The following MAST4 variants were observed in gnomAD, a reference collection of about 807,000 sequenced individuals.
MAST4 encodes microtubule associated serine/threonine kinase family member 4.
A neutral mutation model predicts 162.7 loss-of-function variants in MAST4; 89 were observed. The ratio of observed to expected loss-of-function variants is 0.55; its 90% CI spans 0.46 to 0.65. The LOEUF is 0.65. MAST4 is among the 30% of genes least tolerant of loss of function. The pLI, the probability that MAST4 is intolerant of heterozygous loss-of-function variation, is 0.00. For missense variants in MAST4, 3,153 were observed against 3,374.0 expected (o/e 0.93, Z 1.62); for synonymous variants, 1,479 against 1,361.1 (o/e 1.09, Z -1.91).
chr5:66,700,798 T>TACACACACAC (rs1240400584), intron 1 of MAST4, among the ~76,000 whole-genome samples: 170 of 136,212 alleles, frequency 1.2e-3, no homozygotes, highest in African/African-American at 4.2e-3. Flanking sequence ...TATATATATA[T>TACACACACAC]ATACACACAC....
chr5:67,099,310 C>T (rs1398703613), intron 7 of MAST4, among the ~76,000 whole-genome samples: 1 of 151,964 alleles, frequency 6.6e-6, no homozygotes, highest in Non-Finnish European at 1.5e-5. Context: ...GTAGTGCTCT[C>T]ATTTTTTTAT....
At chr5:66,929,486 G>A (rs946572309) in intron 4 of MAST4, among the ~76,000 whole-genome samples, 5 of 152,152 alleles carry the variant, frequency 3.3e-5, no homozygotes, top group African/African-American at 1.2e-4. Context: ...TGCTTTACCA[G>A]TTCTCCAGAT....
chr5:67,075,704 G>GT (rs1761556400), intron 5 of MAST4, among the ~76,000 whole-genome samples: 2 of 152,104 alleles, frequency 1.3e-5, no homozygotes, highest in African/African-American at 4.8e-5. Context: ...TTGTTTTGCT[G>GT]TAACTATATG....
chr5:66,936,512 G>A (rs1026206389), intron 4 of MAST4, among the ~76,000 whole-genome samples: 3 of 152,174 alleles, frequency 2.0e-5, no homozygotes, highest in African/African-American at 7.2e-5. Flanking sequence ...GTAGGTAAAG[G>A]AAAATTACAG....
intron 3 of MAST4, among the ~76,000 whole-genome samples, chr5:66,842,124 G>A (rs1358799103): frequency 2.6e-5 from 4 of 152,142 alleles, no homozygotes; most frequent in African/African-American, 9.7e-5. Context: ...CTTTAAAACA[G>A]TAACTCTTTG....
At chr5:66,959,013 C>T (rs935738176) in intron 4 of MAST4, 3 of 476,192 alleles carry the variant, frequency 6.3e-6, no homozygotes, top group South Asian at 9.8e-5. Context: ...CTGCAAGCCT[C>T]GTTCCTTTAA....
At chr5:66,673,998 G>T (rs557128023) in intron 1 of MAST4, among the ~76,000 whole-genome samples, 1 of 152,272 alleles carries the variant, frequency 6.6e-6, no homozygotes, top group Non-Finnish European at 1.5e-5. Flanking sequence ...ATTACATAAA[G>T]TCTGAAAAAG....
intron 4 of MAST4, among the ~76,000 whole-genome samples, chr5:66,951,373 A>C (rs562543010): frequency 6.6e-6 from 1 of 152,042 alleles, no homozygotes; most frequent in South Asian, 2.1e-4. Context: ...CATCAGTCCA[A>C]CCTCTGCTTT....
intron 1 of MAST4, among the ~76,000 whole-genome samples, chr5:66,674,311 C>T (rs1480083927): frequency 2.6e-5 from 4 of 152,140 alleles, no homozygotes; most frequent in Non-Finnish European, 5.9e-5. Context: ...TATCCAGAGG[C>T]CAACCACCTG....
At chr5:66,962,686 G>A (rs2150164304) in intron 4 of MAST4, among the ~76,000 whole-genome samples, 1 of 151,984 alleles carries the variant, frequency 6.6e-6, no homozygotes, top group Admixed American at 6.5e-5. Flanking sequence ...TGACTAGAGT[G>A]AAACCTTGTC....
intron 19 of MAST4, among the ~76,000 whole-genome samples, chr5:67,141,287 C>T (rs1770380404): frequency 6.6e-6 from 1 of 152,096 alleles, no homozygotes; most frequent in South Asian, 2.1e-4. Context: ...AGAGTTTTTT[C>T]AGGATTGATT....
chr5:66,774,360 A>G (rs1219277513), intron 2 of MAST4, among the ~76,000 whole-genome samples: 1 of 152,236 alleles, frequency 6.6e-6, no homozygotes, highest in Non-Finnish European at 1.5e-5. Flanking sequence ...TACGTAAATA[A>G]CAGTAAACAA....
chr5:67,056,998 G>A (rs116205753), intron 5 of MAST4, among the ~76,000 whole-genome samples: 21 of 152,080 alleles, frequency 1.4e-4, no homozygotes, highest in African/African-American at 3.1e-4. Flanking sequence ...CCACCGCACC[G>A]CACCCAGCAT....
intron 1 of MAST4, among the ~76,000 whole-genome samples, chr5:66,719,760 A>G (rs1751079886): frequency 6.6e-6 from 1 of 152,100 alleles, no homozygotes; most frequent in Admixed American, 6.6e-5. Context: ...TTGGGCAAAC[A>G]CTAAGATCTA....
intron 4 of MAST4, among the ~76,000 whole-genome samples, chr5:67,028,206 A>G (rs1754901436): frequency 2.1e-5 from 3 of 146,218 alleles, no homozygotes; most frequent in South Asian, 4.3e-4. Flanking sequence ...GAAGTAAACA[A>G]CCTTGATGGG....
intron 23 of MAST4, among the ~76,000 whole-genome samples, chr5:67,146,908 G>A (rs1771161737): frequency 6.6e-6 from 1 of 151,968 alleles, no homozygotes; most frequent in African/African-American, 2.4e-5. Flanking sequence ...TTCTATTCCT[G>A]GTTACAAAGG....
intron 5 of MAST4, among the ~76,000 whole-genome samples, chr5:67,069,881 AGTGTGTGTGT>A (rs200867949): frequency 1.6e-4 from 23 of 142,756 alleles, no homozygotes; most frequent in East Asian, 6.3e-4. Flanking sequence ...TTTGAGAGAA[AGTGTGTGTGT>A]GTGTGTGTGT....
At chr5:66,747,404 G>C (rs1489089006) in intron 1 of MAST4, among the ~76,000 whole-genome samples, 1 of 152,130 alleles carries the variant, frequency 6.6e-6, no homozygotes, top group African/African-American at 2.4e-5. Context: ...GATGGAAAAT[G>C]ATATTGGTAT....
chr5:66,759,229 AAG>A (rs1753717316), intron 1 of MAST4, among the ~76,000 whole-genome samples: 2 of 152,346 alleles, frequency 1.3e-5, no homozygotes, highest in South Asian at 4.1e-4. Context: ...TAACCCACTA[AAG>A]AGAGTGATCT....
Sources: allele counts gnomAD v4.1 joint callset (sites outside exome capture counted in the v4.1 genomes callset), GRCh38; gene constraint gnomAD v4.1.1; transcripts MANE v1.5; gene names NCBI Gene and HGNC (gene_info 2026-07-23, HGNC 2026-07-21).